The following FAM13A variants were observed in gnomAD, a reference collection of about 807,000 sequenced individuals.
FAM13A encodes the protein protein FAM13A.
FAM13A carries 76 observed loss-of-function variants against 129.6 expected under a neutral mutation model. The ratio of observed to expected loss-of-function variants is 0.59; its 90% CI spans 0.49 to 0.71. FAM13A has a LOEUF of 0.71. FAM13A is among the 30% of genes least tolerant of loss of function. FAM13A has a pLI of 0.00. For missense variants in FAM13A, 1,108 were observed against 1,249.3 expected (o/e 0.89, Z 1.70); for synonymous variants, 443 against 449.9 (o/e 0.98, Z 0.20).
intron 6 of FAM13A, among the ~76,000 whole-genome samples, chr4:88,890,419 G>C (rs1745130279): frequency 6.6e-6 from 1 of 152,158 alleles, no homozygotes; most frequent in Admixed American, 6.5e-5. Flanking sequence ...GACTCTCATA[G>C]AGTCCCTTTT....
chr4:88,893,903 G>T (rs1198364466), intron 6 of FAM13A, among the ~76,000 whole-genome samples: 1 of 151,312 alleles, frequency 6.6e-6, no homozygotes, highest in African/African-American at 2.4e-5. Context: ...ACACTATATT[G>T]ACCCAAAGTA....
intron 1 of FAM13A, among the ~76,000 whole-genome samples, chr4:89,053,212 C>A (rs1234322292): frequency 6.6e-6 from 1 of 152,180 alleles, no homozygotes; most frequent in East Asian, 1.9e-4. Flanking sequence ...TTTCCAACAA[C>A]ATGTTCCTCA....
rs1033152887 is a variant in FAM13A, at chr4:88,862,922, GA to G, written c.844-11740del. 2.0e-3 allele frequency among the ~76,000 whole-genome samples: 282 copies of G among 143,108 alleles called. 2 individuals carry two copies. Among genetic ancestry groups the G allele is most frequent in the African/African-American group, 5.5e-3 (217 of 39,284 alleles). 93.9% of individuals were successfully genotyped at this position (143,108 alleles called of 152,430 possible). Reference sequence around the variant, plus strand: ...AGACTTCTCACTGGGACATCATGAGGAAAAAAAAAAAACTATGTTTTTCTTT... The same window carrying G: ...AGACTTCTCACTGGGACATCATGAGGAAAAAAAAAAACTATGTTTTTCTTT... On this transcript the variant is annotated intron_variant, in intron 6 of 23. Transcript: ENST00000264344.
chr4:88,726,771 A>G lies in FAM13A; in HGVS notation c.*1762T>C, dbSNP rs1300166033. On this transcript the variant is annotated 3_prime_UTR_variant, in exon 24 of 24. Transcript: ENST00000264344. Reference sequence around the variant, plus strand: ...TATAGCAATCTGCAATGTAAACAGTAGAGCAAAGAATTCCAAACTATATTT... The same window carrying G: ...TATAGCAATCTGCAATGTAAACAGTGGAGCAAAGAATTCCAAACTATATTT... The G allele has an allele frequency of 6.5e-6, 1 of 152,690 alleles. No homozygotes were observed. Among genetic ancestry groups the G allele is most frequent in the Non-Finnish European group, 1.5e-5 (1 of 68,040 alleles). 9.5% of individuals were successfully genotyped at this position (152,690 alleles called of 1,614,324 possible).
chr4:88,942,155 A>G (rs1754863133), intron 4 of FAM13A, among the ~76,000 whole-genome samples: 1 of 152,182 alleles, frequency 6.6e-6, no homozygotes, highest in African/African-American at 2.4e-5. Flanking sequence ...CAGAATTACA[A>G]TGGTCATTAT....
At chr4:88,788,002 C>G in intron 9 of FAM13A, 70 bp from the exon 10 acceptor site, 2 of 1,323,290 alleles carry the variant, frequency 1.5e-6, no homozygotes, top group Non-Finnish European at 2.1e-6. Flanking sequence ...AAATCTGTGC[C>G]TACAGTTTTG....
chr4:88,835,275 T>C (rs1045548267), intron 7 of FAM13A, among the ~76,000 whole-genome samples: 5 of 152,132 alleles, frequency 3.3e-5, no homozygotes, highest in Non-Finnish European at 7.4e-5. Flanking sequence ...TACCCATCCA[T>C]CAAAACAAAA....
chr4:88,760,379 C>A lies in FAM13A; in HGVS notation c.1579-1478G>T, dbSNP rs1172900317. On this transcript the variant is annotated intron_variant, in intron 13 of 23. Coordinates refer to ENST00000264344, the MANE Select transcript of FAM13A (RefSeq NM_014883.4). ...CAGCACTTTGGGAGGCAGAGGCGGG[C>A]GGATCATGAGGTCAGGAGATCGAGA... is the stretch of plus-strand genomic sequence containing the variant. Among the ~76,000 whole-genome samples the A allele has an allele frequency of 1.7e-4, 5 of 28,740 alleles. 2 individuals are homozygous for A. Among genetic ancestry groups the A allele is most frequent in the African/African-American group, 3.2e-4 (5 of 15,742 alleles). 18.9% of individuals were successfully genotyped at this position (28,740 alleles called of 152,430 possible).
intron 3 of FAM13A, among the ~76,000 whole-genome samples, chr4:88,992,438 T>G (rs774371051): frequency 6.6e-6 from 1 of 152,210 alleles, no homozygotes; most frequent in South Asian, 2.1e-4. Context: ...GCCCGGCTAA[T>G]TTTTGTATTT....
chr4:88,887,307 T>G lies in FAM13A; in HGVS notation c.843+19072A>C, dbSNP rs180763128. On this transcript the variant is annotated intron_variant, in intron 6 of 23. Coordinates refer to ENST00000264344, the MANE Select transcript of FAM13A (RefSeq NM_014883.4). ...TTGAAATAATAAATAAATAAAGAAA[T>G]AAATTTTTGAAAAATCCAATTGAAG... Among the ~76,000 whole-genome samples the G allele has an allele frequency of 2.1e-3, 317 of 152,170 alleles. 2 individuals carry two copies. The highest frequency in any genetic ancestry group is 6.9e-3 in the African/African-American group (286 of 41,526).
rs142916197 is a variant in FAM13A, at chr4:89,024,238, T to C, written c.218-3569A>G. Among the ~76,000 whole-genome samples, 22 of 152,208 alleles carry C rather than the reference T, an allele frequency of 1.4e-4. No individual in the cohort carries two copies. The East Asian group carries it at 3.9e-3, about 27-fold the overall frequency. On this transcript the variant is annotated intron_variant, in intron 2 of 23. Transcript: ENST00000264344. ...TTTGGCCAGGGAAGTAGTATGACAATAAGTAAGCACATTCTGACACCTGGT... is the reference window on the plus strand; with the variant it reads ...TTTGGCCAGGGAAGTAGTATGACAACAAGTAAGCACATTCTGACACCTGGT...
intron 1 of FAM13A, among the ~76,000 whole-genome samples, chr4:89,037,052 C>T (rs1769477638): frequency 6.6e-6 from 1 of 152,206 alleles, no homozygotes; most frequent in African/African-American, 2.4e-5. Context: ...GAGATTGGAG[C>T]CCCCATACAA....
intron 6 of FAM13A, chr4:88,856,069 G>C (rs373813134): frequency 1.3e-5 from 2 of 152,190 alleles, no homozygotes; most frequent in Admixed American, 1.3e-4. Context: ...GCTATTATGA[G>C]ACAGTATTGT....
intron 14 of FAM13A, among the ~76,000 whole-genome samples, chr4:88,753,220 G>C (rs1471436440): frequency 2.6e-5 from 4 of 152,194 alleles, no homozygotes; most frequent in African/African-American, 9.6e-5. Flanking sequence ...ATAAGAGTGT[G>C]TGATAAGATA....
In FAM13A at chr4:88,726,112, C is replaced by CAATT. The variant is rs1315188913; in HGVS notation, c.*2417_*2420dup. ...CCAGAGCATTTTGTCTTTGTGAAGCCAATTAATTAAGACACCGCCTCTAGT... is the reference window on the plus strand; with the variant it reads ...CCAGAGCATTTTGTCTTTGTGAAGCCAATTAATTAATTAAGACACCGCCTCTAGT... On this transcript the variant is annotated 3_prime_UTR_variant, in exon 24 of 24. Transcript: ENST00000264344. 1 of 152,146 alleles carries CAATT rather than the reference C, an allele frequency of 6.6e-6. No homozygotes were observed. The highest frequency in any genetic ancestry group is 1.5e-5 in the Non-Finnish European group (1 of 68,018). The allele number at this position is 152,146 out of a possible 1,614,324, so 9.4% of individuals were successfully genotyped here.
intron 5 of FAM13A, among the ~76,000 whole-genome samples, chr4:88,925,306 A>T (rs1282150450): frequency 6.6e-6 from 1 of 152,222 alleles, no homozygotes; most frequent in Non-Finnish European, 1.5e-5. Context: ...GAACCAACCC[A>T]AATGTCCAAC....
intron 1 of FAM13A, among the ~76,000 whole-genome samples, chr4:89,055,831 T>C (rs1772145696): frequency 6.6e-6 from 1 of 152,182 alleles, no homozygotes; most frequent in African/African-American, 2.4e-5. Flanking sequence ...CTGAAAAGTT[T>C]TGAGCCTGGA....
intron 5 of FAM13A, among the ~76,000 whole-genome samples, chr4:88,930,140 G>A (rs1195090170): frequency 1.3e-5 from 2 of 151,890 alleles, no homozygotes; most frequent in Admixed American, 6.6e-5. Context: ...GCATCTCATT[G>A]AGCTTCTTTA....
At chr4:88,807,971 A>T (rs1402437384) in intron 7 of FAM13A, among the ~76,000 whole-genome samples, 1 of 152,230 alleles carries the variant, frequency 6.6e-6, no homozygotes, top group Non-Finnish European at 1.5e-5. Flanking sequence ...CTGAAATTTA[A>T]GTAAAATAAA....
Sources: allele counts gnomAD v4.1 joint callset (sites outside exome capture counted in the v4.1 genomes callset), GRCh38; gene constraint gnomAD v4.1.1; transcripts MANE v1.5; gene names NCBI Gene and HGNC (gene_info 2026-07-23, HGNC 2026-07-21).